PLCH1: variants seen among roughly 807,000 people sequenced by gnomAD.
PLCH1 encodes phospholipase C eta 1, also known as 1-phosphatidylinositol 4,5-bisphosphate phosphodiesterase eta-1.
In PLCH1, 60 loss-of-function variants were observed where a neutral mutation model predicts 126.7. The ratio of observed to expected loss-of-function variants is 0.47; its 90% CI spans 0.38 to 0.59. The LOEUF (loss-of-function observed/expected upper bound fraction) is 0.59, where lower values mean the gene tolerates loss of function less well. Among genes scored for constraint, PLCH1 ranks in the 20% least tolerant of loss-of-function variants. The pLI is 0.00. For synonymous variants in PLCH1, 719 were observed against 734.9 expected, an observed-to-expected ratio of 0.98 and a Z score of 0.35; for missense variants, 1,723 against 2,040.0, an observed-to-expected ratio of 0.84 and a Z score of 2.99.
chr3:155,549,340 C>T (rs895282308), intron 10 of PLCH1, among the ~76,000 whole-genome samples: 5 of 152,252 alleles, frequency 3.3e-5, no homozygotes, highest in Non-Finnish European at 5.9e-5. Flanking sequence ...ACTTGCATAA[C>T]CAAGACTGAT....
At position 155,671,504 on chromosome 3, in the gene PLCH1, T is replaced by C. The variant is rs182013020; in HGVS notation, c.79+32642A>G. The stretch of plus-strand genomic sequence containing the variant: ...ACTTTGTTTATTGATATTAAACTTT[T>C]AAAGTCAATCTATGATCAAAACATA... On this transcript the variant is annotated intron_variant, in intron 2 of 22. Transcript: ENST00000460012. 3.7e-3 allele frequency among the ~76,000 whole-genome samples: 559 copies of C among 152,326 alleles called. 2 individuals carry two copies. Among genetic ancestry groups the C allele is most frequent in the African/African-American group, 0.013 (530 of 41,572 alleles).
intron 1 of PLCH1, among the ~76,000 whole-genome samples, chr3:155,724,813 TTGTGTGTG>T (rs60805589): frequency 3.2e-4 from 45 of 140,156 alleles, no homozygotes; most frequent in East Asian, 8.4e-4. Flanking sequence ...TTGGGGGGTT[TTGTGTGTG>T]TGTGTGTGTG....
At chr3:155,632,649 T>TA (rs902026195) in intron 2 of PLCH1, among the ~76,000 whole-genome samples, 9 of 151,874 alleles carry the variant, frequency 5.9e-5, no homozygotes, top group South Asian at 4.2e-4. Context: ...ATCTTGCAAA[T>TA]AAAAAAAACA....
At position 155,482,695 on chromosome 3, in the gene PLCH1, C is replaced by T. The variant is rs1394621331; in HGVS notation, c.3331G>A (p.Gly1111Arg). Residue 1111 changes from glycine (G) to arginine (R), a missense_variant, in exon 23 of 23, where the codon GGG becomes AGG. Gly to Arg is a moderately radical substitution (Grantham distance 125, BLOSUM62 -2). Around this residue, in one of 2 missense-constraint regions of PLCH1, gnomAD observed 947 missense variants for 977.1 expected, o/e 0.97. Coordinates refer to ENST00000460012, the MANE Select transcript of PLCH1 (RefSeq NM_014996.4). The stretch of plus-strand genomic sequence containing the variant: ...ACGCTTCCTGACAAGATGCTTTTCC[C>T]TTCCACAAAGTCCTCAGGATTACCC... The part of the protein sequence containing the change: ...EKGNPEDFVE[G>R]KSILSGSVLS... The T allele has an allele frequency of 6.2e-7, 1 of 1,614,072 alleles. No homozygotes were observed. The highest frequency in any genetic ancestry group is 8.5e-7 in the Non-Finnish European group (1 of 1,180,050).
At chr3:155,674,517 A>AT (rs1743890672) in intron 2 of PLCH1, among the ~76,000 whole-genome samples, 2 of 152,302 alleles carry the variant, frequency 1.3e-5, no homozygotes, top group African/African-American at 4.8e-5. Context: ...CAGAAGAAAG[A>AT]TTTTTTGAAA....
intron 2 of PLCH1, among the ~76,000 whole-genome samples, chr3:155,657,055 TAAAAAAA>T (rs1167390418): frequency 3.1e-5 from 4 of 127,534 alleles, no homozygotes; most frequent in African/African-American, 1.1e-4. Context: ...AGGACAAGTT[TAAAAAAA>T]AAAAAAAAAA....
At chr3:155,484,934 T>A (rs565162903) in intron 22 of PLCH1, among the ~76,000 whole-genome samples, 1 of 152,376 alleles carries the variant, frequency 6.6e-6, no homozygotes, top group African/African-American at 2.4e-5. Flanking sequence ...GTTTTTAACA[T>A]CTGGCTTTCT....
intron 1 of PLCH1, chr3:155,743,181 A>G (rs913496925): frequency 2.3e-6 from 1 of 431,874 alleles, no homozygotes; most frequent in African/African-American, 2.0e-5. Flanking sequence ...ATGTAAACAA[A>G]CGGATTTTAA....
chr3:155,515,011 C>G, intron 11 of PLCH1, 127 bp from the exon 12 acceptor site: 1 of 581,262 alleles, frequency 1.7e-6, no homozygotes, highest in Non-Finnish European at 2.9e-6. Context: ...AAATTAAGCT[C>G]AAGTTCATTG....
At chr3:155,672,573 GT>G (rs1426036981) in intron 2 of PLCH1, among the ~76,000 whole-genome samples, 2 of 152,138 alleles carry the variant, frequency 1.3e-5, no homozygotes, top group Non-Finnish European at 2.9e-5. Flanking sequence ...TTGAGGAGGG[GT>G]TCTCTAACTT....
intron 1 of PLCH1, among the ~76,000 whole-genome samples, chr3:155,728,981 C>T (rs772236267): frequency 6.6e-6 from 1 of 152,310 alleles, no homozygotes; most frequent in Non-Finnish European, 1.5e-5. Context: ...ATTTAATCAA[C>T]TTGTGCGTAG....
At chr3:155,494,579 A>C in intron 15 of PLCH1, 62 bp from the exon 16 acceptor site, 2 of 1,298,162 alleles carry the variant, frequency 1.5e-6, no homozygotes, top group Non-Finnish European at 2.2e-6. Context: ...CACCACGCAC[A>C]GAAGACTTTA....
intron 4 of PLCH1, among the ~76,000 whole-genome samples, chr3:155,587,425 C>A (rs1731524181): frequency 6.6e-6 from 1 of 152,174 alleles, no homozygotes. Flanking sequence ...AGAGAGAAAT[C>A]TGATAAAAAT....
intron 8 of PLCH1, among the ~76,000 whole-genome samples, chr3:155,560,870 G>A (rs774954267): frequency 3.3e-5 from 5 of 151,996 alleles, no homozygotes; most frequent in African/African-American, 4.8e-5. Flanking sequence ...GACTCCCTTT[G>A]GAATTCTCCT....
At chr3:155,561,158 T>A (rs1019537178) in intron 8 of PLCH1, among the ~76,000 whole-genome samples, 2 of 151,972 alleles carry the variant, frequency 1.3e-5, no homozygotes, top group Admixed American at 6.6e-5. Flanking sequence ...ATACTTTAAG[T>A]TTTAGGGTAC....
chr3:155,521,926 C>T (rs1721155716), intron 11 of PLCH1, among the ~76,000 whole-genome samples: 1 of 152,208 alleles, frequency 6.6e-6, no homozygotes, highest in African/African-American at 2.4e-5. Context: ...TATCTAACTC[C>T]ATGGAATCAT....
chr3:155,604,061 T>A (rs1310318512), intron 2 of PLCH1, among the ~76,000 whole-genome samples: 1 of 152,116 alleles, frequency 6.6e-6, no homozygotes, highest in Non-Finnish European at 1.5e-5. Flanking sequence ...ATTGCACCAT[T>A]GCACCCCAGC....
chr3:155,537,142 C>CCA (rs1723456862), intron 10 of PLCH1, among the ~76,000 whole-genome samples: 2 of 138,860 alleles, frequency 1.4e-5, no homozygotes, highest in Non-Finnish European at 3.0e-5. Flanking sequence ...AGATCATAGG[C>CCA]AACAAAAATG....
At chr3:155,712,421 A>C (rs570878558) in intron 1 of PLCH1, among the ~76,000 whole-genome samples, 55 of 152,356 alleles carry the variant, frequency 3.6e-4, no homozygotes, top group Non-Finnish European at 4.4e-5. Flanking sequence ...TTCAAATGTG[A>C]CGCAAATCTA....
Sources: allele counts gnomAD v4.1 joint callset (sites outside exome capture counted in the v4.1 genomes callset), GRCh38; gene constraint gnomAD v4.1.1; regional missense constraint gnomAD v4.1.1; transcripts MANE v1.5; gene names NCBI Gene and HGNC (gene_info 2026-07-23, HGNC 2026-07-21).